Variants in FBXO4 observed in about 807,000 individuals in gnomAD.
The protein encoded by FBXO4 is F-box only protein 4.
A neutral mutation model predicts 43.7 loss-of-function variants in FBXO4; 36 were observed. The observed-to-expected ratio is 0.82, with a 90% CI of 0.63 to 1.09. The LOEUF (loss-of-function observed/expected upper bound fraction) is 1.09, where lower values mean the gene tolerates loss of function less well. FBXO4 is among the 50% of genes least tolerant of loss of function. FBXO4 has a pLI of 0.00. For synonymous variants in FBXO4, 180 were observed against 165.6 expected, an observed-to-expected ratio of 1.09 and a Z score of -0.67; for missense variants, 435 against 474.1, an observed-to-expected ratio of 0.92 and a Z score of 0.77.
At chr5:41,995,869 A>G in the FBXO4 span, among the ~76,000 whole-genome samples, 1 of 152,198 alleles carries the variant, frequency 6.6e-6, no homozygotes, top group Non-Finnish European at 1.5e-5. Flanking sequence ...TTCTCTTTCT[A>G]TGCAAAGTGC....
At chr5:41,946,872 C>G in the FBXO4 span, among the ~76,000 whole-genome samples, 1 of 152,182 alleles carries the variant, frequency 6.6e-6, no homozygotes, top group South Asian at 2.1e-4. Flanking sequence ...TGCAATGGTA[C>G]AAAAGCATAT....
At chr5:42,028,516 T>C in the FBXO4 span, among the ~76,000 whole-genome samples, 1 of 151,862 alleles carries the variant, frequency 6.6e-6, no homozygotes, top group Non-Finnish European at 1.5e-5. Flanking sequence ...TTTAGTCCAT[T>C]TATATTCAAT....
the FBXO4 span, among the ~76,000 whole-genome samples, chr5:41,989,092 A>T: frequency 6.6e-6 from 1 of 152,196 alleles, no homozygotes; most frequent in African/African-American, 2.4e-5. Context: ...TTCAATATTT[A>T]AGAAAAAAAC....
chr5:41,938,319 A>T (rs1751903989), intron 5 of FBXO4, among the ~76,000 whole-genome samples: 1 of 152,170 alleles, frequency 6.6e-6, no homozygotes, highest in South Asian at 2.1e-4. Flanking sequence ...AAAAATGTGT[A>T]TTACATATAC....
chr5:41,947,725 A>G, the FBXO4 span, among the ~76,000 whole-genome samples: 1 of 152,228 alleles, frequency 6.6e-6, no homozygotes, highest in Non-Finnish European at 1.5e-5. Context: ...AGGTAGTCAT[A>G]TGTAGGCTGT....
the FBXO4 span, among the ~76,000 whole-genome samples, chr5:41,986,041 C>T: frequency 6.6e-6 from 1 of 152,094 alleles, no homozygotes; most frequent in Non-Finnish European, 1.5e-5. Flanking sequence ...ACATTTGACT[C>T]ATAAAATACA....
the FBXO4 span, among the ~76,000 whole-genome samples, chr5:41,984,840 G>A: frequency 2.0e-5 from 3 of 152,080 alleles, no homozygotes; most frequent in African/African-American, 7.2e-5. Context: ...GAAAACTCCA[G>A]GGTTGATGTG....
the FBXO4 span, among the ~76,000 whole-genome samples, chr5:42,023,556 A>AT: frequency 7.2e-5 from 11 of 151,878 alleles, no homozygotes; most frequent in Non-Finnish European, 1.5e-4. Flanking sequence ...TGAGAAAGTT[A>AT]TTTTTTTCCC....
the FBXO4 span, among the ~76,000 whole-genome samples, chr5:42,018,476 CAATT>C: frequency 6.6e-6 from 1 of 151,916 alleles, no homozygotes; most frequent in African/African-American, 2.4e-5. Context: ...ACTCTTGACA[CAATT>C]AATTAGGTTA....
At position 41,929,799 on chromosome 5, in the gene FBXO4, A is replaced by G. The variant is rs1255880674; in HGVS notation, c.528A>G (p.Glu176=). 3.7e-6 allele frequency: 6 copies of G among 1,614,150 alleles called. No homozygotes were observed. The highest frequency in any genetic ancestry group is 5.1e-6 in the Non-Finnish European group (6 of 1,180,016). ...TACACTCCCTGATCATTCAGAATGA[A>G]CCACGATTTGCTATGTTTGGACCAG... ...SFLHSLIIQN[E]PRFAMFGPGL... The change falls in exon 3 of 7, where the codon GAA becomes GAG. Residue 176 remains glutamate (E), a synonymous_variant. Transcript: ENST00000281623.
At chr5:41,998,093 C>T in the FBXO4 span, among the ~76,000 whole-genome samples, 870 of 152,236 alleles carry the variant, frequency 5.7e-3, 8 homozygotes, top group African/African-American at 0.018. Flanking sequence ...AATGCCAAAG[C>T]GCTACATGAG....
the FBXO4 span, among the ~76,000 whole-genome samples, chr5:41,961,141 G>A: frequency 6.6e-6 from 1 of 152,128 alleles, no homozygotes; most frequent in Admixed American, 6.5e-5. Context: ...TGGGGTCAAA[G>A]CTGTGTATTC....
chr5:41,988,117 G>GT, the FBXO4 span, among the ~76,000 whole-genome samples: 1 of 152,148 alleles, frequency 6.6e-6, no homozygotes, highest in Non-Finnish European at 1.5e-5. Context: ...GTGGTAACAT[G>GT]TGGGGGGGAG....
At chr5:41,943,350 C>T (rs1261586275), downstream of FBXO4, among the ~76,000 whole-genome samples, 1 of 152,112 alleles carries the variant, frequency 6.6e-6, no homozygotes, top group East Asian at 1.9e-4. Context: ...AATGACCTAA[C>T]CCAAATTTCC....
chr5:41,949,223 G>T, the FBXO4 span, among the ~76,000 whole-genome samples: 1 of 152,138 alleles, frequency 6.6e-6, no homozygotes, highest in African/African-American at 2.4e-5. Context: ...GGGCAATCAG[G>T]CAAGAGAAAG....
chr5:41,989,110 A>G, the FBXO4 span, among the ~76,000 whole-genome samples: 1 of 152,186 alleles, frequency 6.6e-6, no homozygotes, highest in Non-Finnish European at 1.5e-5. Context: ...AACGGCCACA[A>G]TGATGTTAAT....
At chr5:42,004,284 T>C in the FBXO4 span, among the ~76,000 whole-genome samples, 1 of 152,178 alleles carries the variant, frequency 6.6e-6, no homozygotes, top group Non-Finnish European at 1.5e-5. Context: ...TTGTAATATC[T>C]TTGGCAAATT....
At chr5:41,983,945 A>C in the FBXO4 span, among the ~76,000 whole-genome samples, 17 of 152,014 alleles carry the variant, frequency 1.1e-4, no homozygotes, top group Non-Finnish European at 2.2e-4. Context: ...TTATTTGGCC[A>C]CACTTTATTT....
chr5:42,018,220 T>C, the FBXO4 span, among the ~76,000 whole-genome samples: 416 of 151,138 alleles, frequency 2.8e-3, 3 homozygotes, highest in African/African-American at 9.5e-3. Flanking sequence ...TCTCCCATGA[T>C]AAACTCTAGG....
Sources: gnomAD v4.1 joint callset for allele counts (sites outside exome capture counted in the v4.1 genomes callset) on GRCh38, gnomAD v4.1.1 for gene constraint, MANE v1.5 for transcripts, NCBI Gene and HGNC (gene_info 2026-07-23, HGNC 2026-07-21) for gene names.